The following NPHP1 variants were observed in gnomAD, a reference collection of about 807,000 sequenced individuals.
The protein encoded by NPHP1 is nephrocystin 1.
A neutral mutation model predicts 90.4 loss-of-function variants in NPHP1; 70 were observed. The ratio of observed to expected loss-of-function variants is 0.77; its 90% CI spans 0.64 to 0.95. The LOEUF (loss-of-function observed/expected upper bound fraction) is 0.95, where lower values mean the gene tolerates loss of function less well. Among genes scored for constraint, NPHP1 ranks in the 40% least tolerant of loss-of-function variants. The pLI is 0.00. For synonymous variants in NPHP1, 256 were observed against 271.7 expected (o/e 0.94, Z 0.57); for missense variants, 764 against 795.9 (o/e 0.96, Z 0.48).
At chr2:110,143,783 G>A (rs1396992315) in intron 15 of NPHP1, 142 bp from the exon 16 acceptor site, 9 of 666,826 alleles carry the variant, frequency 1.3e-5, no homozygotes, top group Non-Finnish European at 2.4e-5. Context: ...TACCCTAAAT[G>A]AGCTGAGAGA....
At chr2:110,175,945 G>A (rs760653061) in intron 4 of NPHP1, among the ~76,000 whole-genome samples, 2 of 151,860 alleles carry the variant, frequency 1.3e-5, no homozygotes, top group Admixed American at 6.6e-5. Context: ...CTGTCTTTGG[G>A]TTCACTGATC....
chr2:110,171,394 T>C (rs1228042906), intron 4 of NPHP1, among the ~76,000 whole-genome samples: 2 of 152,108 alleles, frequency 1.3e-5, no homozygotes, highest in Admixed American at 6.6e-5. Context: ...CTTAGACTAA[T>C]GCAAATGAAC....
intron 18 of NPHP1, chr2:110,128,824 T>C (rs902824323): frequency 3.4e-6 from 1 of 290,342 alleles, no homozygotes; most frequent in African/African-American, 2.2e-5. Context: ...ACACATGGAA[T>C]TAAAGATGAT....
intron 2 of NPHP1, among the ~76,000 whole-genome samples, chr2:110,197,235 G>T (rs116718088): frequency 1.0e-3 from 158 of 152,114 alleles, no homozygotes; most frequent in African/African-American, 3.3e-3. Flanking sequence ...TATGGCACAC[G>T]TTTACCTATG....
chr2:110,189,848 G>A lies in NPHP1; in HGVS notation c.144-10164C>T, dbSNP rs188787142. Among the ~76,000 whole-genome samples, 434 of 152,180 alleles carry A rather than the reference G, an allele frequency of 2.9e-3. 3 individuals are homozygous for A. Among genetic ancestry groups the A allele is most frequent in the Non-Finnish European group, 4.6e-3 (311 of 68,008 alleles). On this transcript the variant is annotated intron_variant, in intron 2 of 19. Coordinates refer to ENST00000445609, the MANE Select transcript of NPHP1 (RefSeq NM_001128178.3). ...CCAGAGTAGTTAGATATAGAGTGTC[G>A]ATGGGTGCATTCACAAACCCTGAGT...
intron 16 of NPHP1, among the ~76,000 whole-genome samples, chr2:110,137,854 T>C (rs1283164782): frequency 6.6e-6 from 1 of 151,180 alleles, no homozygotes; most frequent in Non-Finnish European, 1.5e-5. Context: ...TAAATCATGC[T>C]GCTATAAAGA....
intron 2 of NPHP1, chr2:110,184,140 C>A: frequency 1.8e-6 from 1 of 554,492 alleles, no homozygotes; most frequent in South Asian, 1.4e-5. Context: ...TGCTGGTGAT[C>A]AGATCCACAA....
intron 16 of NPHP1, among the ~76,000 whole-genome samples, chr2:110,135,349 C>T (rs1003495764): frequency 4.6e-5 from 7 of 151,004 alleles, no homozygotes; most frequent in South Asian, 2.1e-4. Flanking sequence ...TGTTGGCAGG[C>T]GCCTGTAGTC....
At chr2:110,164,491 A>G in intron 8 of NPHP1, 197 bp downstream of exon 8, 1 of 1,163,040 alleles carries the variant, frequency 8.6e-7, no homozygotes, top group Non-Finnish European at 1.3e-6. Context: ...TTTGTACAAA[A>G]AAAAAAAAAA....
chr2:110,168,364 T>A, intron 6 of NPHP1, 88 bp downstream of exon 6: 1 of 846,554 alleles, frequency 1.2e-6, no homozygotes, highest in Non-Finnish European at 2.0e-6. Flanking sequence ...CATTCACTAG[T>A]CAACTGACAA....
chr2:110,124,599 C>G (rs560770760), intron 19 of NPHP1: 1 of 202,498 alleles, frequency 4.9e-6, no homozygotes, highest in South Asian at 9.9e-5. Flanking sequence ...AAGAATGGTG[C>G]AGCATCAGCT....
chr2:110,150,801 C>A (rs548969841), intron 11 of NPHP1, among the ~76,000 whole-genome samples: 2 of 151,382 alleles, frequency 1.3e-5, no homozygotes, highest in Non-Finnish European at 2.9e-5. Context: ...CTGCCTGCCT[C>A]GGCCTCCCAA....
chr2:110,148,753 T>C (rs1681252012), intron 12 of NPHP1, among the ~76,000 whole-genome samples: 1 of 152,204 alleles, frequency 6.6e-6, no homozygotes, highest in South Asian at 2.1e-4. Context: ...TAACCACTGT[T>C]CTTCATAAAC....
At chr2:110,124,103 T>C (rs765568136) in intron 19 of NPHP1, 40 bp from the exon 20 acceptor site, 2 of 1,610,880 alleles carry the variant, frequency 1.2e-6, no homozygotes, top group Non-Finnish European at 1.7e-6. Flanking sequence ...TTGTTATTTT[T>C]AAAGTGTTAA....
intron 6 of NPHP1, among the ~76,000 whole-genome samples, chr2:110,167,903 T>C (rs985293446): frequency 6.6e-6 from 1 of 152,126 alleles, no homozygotes; most frequent in Non-Finnish European, 1.5e-5. Flanking sequence ...ACCACATACT[T>C]GGTGTCAGAA....
rs1408406395 is a variant in NPHP1 at position 110,125,659 on chromosome 2, C to T, written c.1739G>A (p.Ser580Asn). ...ALRSSWAGKE[S>N]TLKRSEKRDK... is the part of the protein sequence containing the mutation. ...TACCTTCTCTGATCTTTTTAATGTGCTTTCTTTTCCAGCCCACGAACTCTA... is the reference window on the plus strand; with the variant it reads ...TACCTTCTCTGATCTTTTTAATGTGTTTTCTTTTCCAGCCCACGAACTCTA... The change falls in exon 19 of 20, where the codon AGC becomes AAC. Residue 580 changes from serine to asparagine, a missense_variant. Ser to Asn is a conservative substitution (Grantham distance 46). Transcript: ENST00000445609. 1.1e-5 allele frequency: 18 copies of T among 1,613,280 alleles called. No homozygotes were observed. Among genetic ancestry groups the T allele is most frequent in the Non-Finnish European group, 1.5e-5 (18 of 1,179,558 alleles).
chr2:110,195,978 C>T (rs183982335), intron 2 of NPHP1, among the ~76,000 whole-genome samples: 1 of 152,096 alleles, frequency 6.6e-6, no homozygotes, highest in South Asian at 2.1e-4. Flanking sequence ...TGGATGCCTT[C>T]CTTACACCTT....
chr2:110,125,316 T>A (rs1559040452), intron 19 of NPHP1: 1 of 1,530,438 alleles, frequency 6.5e-7, no homozygotes, highest in Non-Finnish European at 8.7e-7. Context: ...TGATACAGGC[T>A]TTGAGAGCTA....
chr2:110,190,270 C>T (rs1305725450), intron 2 of NPHP1, among the ~76,000 whole-genome samples: 1 of 152,158 alleles, frequency 6.6e-6, no homozygotes, highest in Non-Finnish European at 1.5e-5. Flanking sequence ...GGACTGGGCA[C>T]TGTGGAGCAG....
Sources: allele counts gnomAD v4.1 joint callset (sites outside exome capture counted in the v4.1 genomes callset), GRCh38; gene constraint gnomAD v4.1.1; transcripts MANE v1.5; gene names NCBI Gene and HGNC (gene_info 2026-07-23, HGNC 2026-07-21).